Variants in MTUS2 observed in about 807,000 individuals in gnomAD.
MTUS2 encodes microtubule-associated tumor suppressor candidate 2.
Under a neutral mutation model 114.1 loss-of-function variants are expected in MTUS2, and 40 were observed. The ratio of observed to expected loss-of-function variants is 0.35; its 90% CI spans 0.27 to 0.46. The LOEUF is 0.46. Among genes scored for constraint, MTUS2 ranks in the 20% least tolerant of loss-of-function variants. MTUS2 has a pLI of 1.00. For missense variants in MTUS2, 1,679 were observed against 1,705.4 expected (o/e 0.98, Z 0.27); for synonymous variants, 688 against 672.0 (o/e 1.02, Z -0.37).
chr13:29,152,796 A>G (rs1446217907), intron 5 of MTUS2, among the ~76,000 whole-genome samples: 1 of 152,140 alleles, frequency 6.6e-6, no homozygotes, highest in Non-Finnish European at 1.5e-5. Flanking sequence ...GTTCTGTTGT[A>G]TTCTGCCATA....
intron 3 of MTUS2, among the ~76,000 whole-genome samples, chr13:29,028,309 C>T (rs532487389): frequency 1.3e-5 from 2 of 152,230 alleles, no homozygotes; most frequent in East Asian, 3.9e-4. Flanking sequence ...TGAGACCACG[C>T]CACTGCACTT....
At chr13:29,207,323 G>C (rs1895231729) in intron 5 of MTUS2, among the ~76,000 whole-genome samples, 1 of 152,146 alleles carries the variant, frequency 6.6e-6, no homozygotes, top group Non-Finnish European at 1.5e-5. Context: ...GGAGCTTTTA[G>C]GATGAGGCTT....
chr13:28,985,277 C>A (rs948381324), intron 2 of MTUS2, among the ~76,000 whole-genome samples: 27 of 152,140 alleles, frequency 1.8e-4, no homozygotes, highest in African/African-American at 5.8e-4. Flanking sequence ...TATATGCATG[C>A]TACACAAAGT....
rs142400338 is a variant in MTUS2 at position 29,151,596 on chromosome 13, C to T, written c.2644+50626C>T. Among the ~76,000 whole-genome samples, 411 of 152,290 alleles carry T rather than the reference C, an allele frequency of 2.7e-3. 1 individual carries two copies. Among genetic ancestry groups the T allele is most frequent in the African/African-American group, 9.4e-3 (391 of 41,558 alleles). ...GTTGAAAAAGAATGATGAGATTAGG[C>T]ATCCTTATCTTGTTCCAGTTCTCAA... On this transcript the variant is annotated intron_variant, in intron 5 of 15. Transcript: ENST00000612955.
At chr13:28,872,355 A>G (rs927853981) in intron 2 of MTUS2, among the ~76,000 whole-genome samples, 1 of 152,166 alleles carries the variant, frequency 6.6e-6, no homozygotes, top group African/African-American at 2.4e-5. Context: ...CATTGGGGGA[A>G]TACTTGGAGA....
intron 8 of MTUS2, among the ~76,000 whole-genome samples, chr13:29,383,252 G>GTGTATATATATATATATATATA (rs5802519): frequency 7.4e-6 from 1 of 135,916 alleles, no homozygotes; most frequent in African/African-American, 2.9e-5. Flanking sequence ...GTGTGTGTGT[G>GTGTATATATATATATATATATA]TATTTATTTT....
At chr13:28,851,477 G>A (rs1876262635) in intron 2 of MTUS2, among the ~76,000 whole-genome samples, 2 of 152,196 alleles carry the variant, frequency 1.3e-5, no homozygotes, top group African/African-American at 2.4e-5. Context: ...AACATGTACT[G>A]AGTGACTACA....
intron 2 of MTUS2, among the ~76,000 whole-genome samples, chr13:28,874,784 C>T (rs1424852797): frequency 6.6e-6 from 1 of 152,198 alleles, no homozygotes; most frequent in Non-Finnish European, 1.5e-5. Flanking sequence ...TACCAGGAGT[C>T]ATGGATCATT....
chr13:29,407,599 T>C (rs1566184232), intron 8 of MTUS2, among the ~76,000 whole-genome samples: 1 of 151,992 alleles, frequency 6.6e-6, no homozygotes, highest in Non-Finnish European at 1.5e-5. Context: ...TGCCTCAGCC[T>C]CCTGGGTAGC....
At chr13:29,331,888 T>C (rs9579322) in intron 7 of MTUS2, among the ~76,000 whole-genome samples, 40,084 of 152,138 alleles carry the variant, frequency 0.26, 5,973 homozygotes, top group African/African-American at 0.41. Flanking sequence ...TTGAACCAGC[T>C]TTGCATCCTA....
chr13:29,405,015 C>G (rs763350973), intron 8 of MTUS2, among the ~76,000 whole-genome samples: 18 of 152,166 alleles, frequency 1.2e-4, no homozygotes, highest in Admixed American at 6.5e-5. Context: ...CCTCAAGAAG[C>G]CTTTCTTATT....
At chr13:28,935,793 T>C (rs1186174022) in intron 2 of MTUS2, among the ~76,000 whole-genome samples, 1 of 152,084 alleles carries the variant, frequency 6.6e-6, no homozygotes, top group African/African-American at 2.4e-5. Context: ...CTGTCTGGGT[T>C]GCCCGAGTGC....
At chr13:29,081,560 A>G (rs1246222098) in intron 4 of MTUS2, among the ~76,000 whole-genome samples, 1 of 150,744 alleles carries the variant, frequency 6.6e-6, no homozygotes, top group Admixed American at 6.6e-5. Flanking sequence ...CTGGAACTCC[A>G]AAGTGTTAGG....
intron 2 of MTUS2, among the ~76,000 whole-genome samples, chr13:28,846,295 C>G (rs958560491): frequency 6.6e-6 from 1 of 152,100 alleles, no homozygotes; most frequent in African/African-American, 2.4e-5. Context: ...CAGGGCAGCT[C>G]TCTCTTTGGA....
At chr13:28,960,335 G>A (rs891089929) in intron 2 of MTUS2, among the ~76,000 whole-genome samples, 3 of 152,122 alleles carry the variant, frequency 2.0e-5, no homozygotes, top group Non-Finnish European at 2.9e-5. Flanking sequence ...TCTTCAAAAA[G>A]TTAGATATAG....
chr13:29,268,269 A>C (rs1172872806), intron 5 of MTUS2, among the ~76,000 whole-genome samples: 1 of 152,228 alleles, frequency 6.6e-6, no homozygotes. Flanking sequence ...AGAAAAGAGA[A>C]TGTTTTTTGA....
At chr13:29,002,145 T>C (rs999381898) in intron 2 of MTUS2, among the ~76,000 whole-genome samples, 4 of 152,236 alleles carry the variant, frequency 2.6e-5, no homozygotes, top group East Asian at 1.9e-4. Flanking sequence ...ACAGCAGTTA[T>C]AGGAAATGAA....
intron 5 of MTUS2, among the ~76,000 whole-genome samples, chr13:29,131,241 T>C (rs115003927): frequency 6.8e-4 from 103 of 152,352 alleles, no homozygotes; most frequent in African/African-American, 2.3e-3. Flanking sequence ...GTCATAGAGG[T>C]AGCTGTCATC....
rs570514066 is a variant in MTUS2, at chr13:28,832,803, T to C, written c.-315-6975T>C. ...ATCAATAAAAACAAAAAGTTGTCTT[T>C]TGAAAAGATCAGCAAAATTTACAAA... On this transcript the variant is annotated intron_variant, in intron 1 of 15. Coordinates refer to ENST00000612955, the MANE Select transcript of MTUS2 (RefSeq NM_001033602.4). Among the ~76,000 whole-genome samples, 4 of 151,624 alleles carry C rather than the reference T, an allele frequency of 2.6e-5. No homozygotes were observed. The South Asian group carries it at 8.3e-4, about 32-fold the overall frequency.
Sources: allele counts gnomAD v4.1 joint callset (sites outside exome capture counted in the v4.1 genomes callset), GRCh38; gene constraint gnomAD v4.1.1; transcripts MANE v1.5; gene names NCBI Gene and HGNC (gene_info 2026-07-23, HGNC 2026-07-21).